The following SORCS1 variants were observed in gnomAD, a reference collection of about 807,000 sequenced individuals.
SORCS1 encodes the protein sortilin related VPS10 domain containing receptor 1, also known as VPS10 domain-containing receptor SorCS1.
In SORCS1, 60 loss-of-function variants were observed where a neutral mutation model predicts 146.1. The observed-to-expected ratio is 0.41, with a 90% CI of 0.33 to 0.51. The LOEUF (loss-of-function observed/expected upper bound fraction) is 0.51. SORCS1 is among the 20% of genes least tolerant of loss of function. The pLI, the probability that SORCS1 is intolerant of heterozygous loss-of-function variation, is 0.21. For missense variants in SORCS1, 1,352 were observed against 1,487.6 expected (o/e 0.91, Z 1.50); for synonymous variants, 637 against 584.0 (o/e 1.09, Z -1.31).
chr10:107,088,691 G>A (rs1054974276), intron 1 of SORCS1, among the ~76,000 whole-genome samples: 1 of 152,184 alleles, frequency 6.6e-6, no homozygotes, highest in Non-Finnish European at 1.5e-5. Context: ...ATGGACAATT[G>A]AACCAAAGTG....
chr10:106,745,774 G>C (rs1393935156), intron 5 of SORCS1, among the ~76,000 whole-genome samples: 1 of 152,120 alleles, frequency 6.6e-6, no homozygotes, highest in African/African-American at 2.4e-5. Flanking sequence ...CCAACAAATA[G>C]AGTACGGGAC....
At chr10:106,762,095 A>G (rs546339476) in intron 4 of SORCS1, among the ~76,000 whole-genome samples, 2 of 152,328 alleles carry the variant, frequency 1.3e-5, no homozygotes, top group African/African-American at 4.8e-5. Context: ...TGAGAAATGC[A>G]CGAGGCAGCC....
chr10:107,063,166 AATGGGTATGGGT>A (rs1564989103), intron 1 of SORCS1, among the ~76,000 whole-genome samples: 1 of 152,160 alleles, frequency 6.6e-6, no homozygotes, highest in Non-Finnish European at 1.5e-5. Context: ...TATAAAAGTA[AATGGGTATGGGT>A]ATGGGTAGGT....
intron 1 of SORCS1, among the ~76,000 whole-genome samples, chr10:107,055,987 G>C (rs1960597096): frequency 6.6e-6 from 1 of 152,158 alleles, no homozygotes; most frequent in African/African-American, 2.4e-5. Flanking sequence ...TTGGCAATTT[G>C]AGCTCCAGCC....
At chr10:106,637,713 C>G (rs1409332216) in intron 18 of SORCS1, among the ~76,000 whole-genome samples, 5 of 152,226 alleles carry the variant, frequency 3.3e-5, no homozygotes, top group African/African-American at 1.2e-4. Flanking sequence ...TGACATTTCA[C>G]TTTCTCTCAG....
intron 2 of SORCS1, among the ~76,000 whole-genome samples, chr10:106,921,325 A>G (rs1952701485): frequency 6.6e-6 from 1 of 152,100 alleles, no homozygotes; most frequent in Non-Finnish European, 1.5e-5. Flanking sequence ...CCTTACATAC[A>G]AGACCTACAG....
chr10:107,014,980 T>G (rs17121924), intron 1 of SORCS1, among the ~76,000 whole-genome samples: 2,258 of 152,274 alleles, frequency 0.015, 60 homozygotes, highest in African/African-American at 0.052. Context: ...AATATATTAC[T>G]GAATCAATAT....
intron 25 of SORCS1, chr10:106,577,892 G>A: frequency 4.7e-6 from 1 of 212,930 alleles, no homozygotes; most frequent in East Asian, 1.2e-4. Context: ...TCGGACACCA[G>A]ATGTGACTGC....
At chr10:107,074,195 A>G (rs148672575) in intron 1 of SORCS1, among the ~76,000 whole-genome samples, 188 of 152,262 alleles carry the variant, frequency 1.2e-3, no homozygotes, top group Non-Finnish European at 2.3e-3. Flanking sequence ...CCACCTATTC[A>G]TCTCCTGCAC....
chr10:106,956,382 G>C, intron 2 of SORCS1, 131 bp downstream of exon 2: 1 of 751,364 alleles, frequency 1.3e-6, no homozygotes, highest in East Asian at 2.6e-5. Context: ...AAAGGAAACA[G>C]AGAAGAAAGA....
chr10:106,600,825 T>C (rs958724604), intron 23 of SORCS1: 21 of 570,374 alleles, frequency 3.7e-5, no homozygotes, highest in African/African-American at 8.2e-5. Flanking sequence ...TTAAAAATAT[T>C]TTCCTTGAAC....
In SORCS1 at chr10:106,919,810, C is replaced by G. The variant is rs1564810596; in HGVS notation, c.626+36703G>C. Among the ~76,000 whole-genome samples the G allele has an allele frequency of 1.3e-5, 2 of 152,174 alleles. 1 individual carries two copies. Among genetic ancestry groups the G allele is most frequent in the African/African-American group, 4.8e-5 (2 of 41,444 alleles). ...CATGTATGTCCTGGTTGGCTCAGGA[C>G]AATCCTAATTTATTCCCATTGTTTC... On this transcript the variant is annotated intron_variant, in intron 2 of 25. Coordinates refer to ENST00000263054, the MANE Select transcript of SORCS1 (RefSeq NM_052918.5).
chr10:106,814,428 G>A (rs531197417), intron 3 of SORCS1, among the ~76,000 whole-genome samples: 1 of 152,270 alleles, frequency 6.6e-6, no homozygotes, highest in Admixed American at 6.5e-5. Flanking sequence ...TATGATAGAA[G>A]AACATAGACC....
intron 1 of SORCS1, among the ~76,000 whole-genome samples, chr10:107,076,597 T>C (rs1962901409): frequency 6.6e-6 from 1 of 152,194 alleles, no homozygotes; most frequent in Non-Finnish European, 1.5e-5. Context: ...TTTATTCACA[T>C]GGTTCATTAG....
chr10:107,005,526 T>A (rs1317053525), intron 1 of SORCS1, among the ~76,000 whole-genome samples: 2 of 152,216 alleles, frequency 1.3e-5, no homozygotes, highest in African/African-American at 4.8e-5. Context: ...TTTTAAAAAC[T>A]GCACAAGCAT....
chr10:106,781,207 T>C (rs1860869314), intron 3 of SORCS1, among the ~76,000 whole-genome samples: 1 of 152,186 alleles, frequency 6.6e-6, no homozygotes, highest in Admixed American at 6.5e-5. Flanking sequence ...CTAGATATGC[T>C]GTTCTTGGAA....
chr10:106,806,503 G>GGCTTT (rs1947185677), intron 3 of SORCS1, among the ~76,000 whole-genome samples: 1 of 117,852 alleles, frequency 8.5e-6, no homozygotes, highest in African/African-American at 3.4e-5. Context: ...GAGAGAGGAA[G>GGCTTT]CCTTTTTTTT....
chr10:107,040,757 A>T (rs1161637214), intron 1 of SORCS1, among the ~76,000 whole-genome samples: 1 of 152,230 alleles, frequency 6.6e-6, no homozygotes, highest in African/African-American at 2.4e-5. Flanking sequence ...AGTAGCCAAA[A>T]GGATTTGGTA....
chr10:106,638,712 TC>T (rs1415156259), intron 18 of SORCS1, among the ~76,000 whole-genome samples: 1 of 152,184 alleles, frequency 6.6e-6, no homozygotes, highest in Non-Finnish European at 1.5e-5. Flanking sequence ...AGTCACTTCA[TC>T]CCCCTTCTAA....
Sources: allele counts gnomAD v4.1 joint callset (sites outside exome capture counted in the v4.1 genomes callset), GRCh38; gene constraint gnomAD v4.1.1; transcripts MANE v1.5; gene names NCBI Gene and HGNC (gene_info 2026-07-23, HGNC 2026-07-21).